The following HOMER1 variants were observed in gnomAD, a reference collection of about 807,000 sequenced individuals.
HOMER1 encodes homer protein homolog 1.
In HOMER1, 3 loss-of-function variants were observed where a neutral mutation model predicts 48.9. The ratio of observed to expected loss-of-function variants is 0.06; its 90% CI spans 0.03 to 0.16. HOMER1 has a LOEUF of 0.16. HOMER1 is among the 10% of genes least tolerant of loss of function. The pLI, the probability that HOMER1 is intolerant of heterozygous loss-of-function variation, is 1.00. For synonymous variants in HOMER1, 134 were observed against 146.4 expected (o/e 0.92, Z 0.61); for missense variants, 247 against 411.4 (o/e 0.60, Z 3.46).
At chr5:79,431,198 C>T (rs1287881351) in intron 5 of HOMER1, among the ~76,000 whole-genome samples, 1 of 152,070 alleles carries the variant, frequency 6.6e-6, no homozygotes, top group African/African-American at 2.4e-5. Flanking sequence ...TGGTGTGCTC[C>T]TGTAATCCCA....
At chr5:79,386,951 CT>C in intron 8 of HOMER1, among the ~76,000 whole-genome samples, 1 of 108,798 alleles carries the variant, frequency 9.2e-6, no homozygotes, top group Non-Finnish European at 1.9e-5. Flanking sequence ...CCTTCCTTTC[CT>C]TTCTTCCTTC....
At chr5:79,377,560 G>A (rs1748807848) in intron 8 of HOMER1, among the ~76,000 whole-genome samples, 2 of 143,250 alleles carry the variant, frequency 1.4e-5, no homozygotes, top group South Asian at 4.3e-4. Flanking sequence ...ATATCTTGAT[G>A]TTAGTTACAC....
At chr5:79,465,213 T>A (rs138352547) in intron 1 of HOMER1, among the ~76,000 whole-genome samples, 2 of 152,206 alleles carry the variant, frequency 1.3e-5, no homozygotes, top group South Asian at 2.1e-4. Context: ...CACATGCCTA[T>A]AGTCTCAGCT....
chr5:79,505,301 C>T (rs1307856424), intron 1 of HOMER1, among the ~76,000 whole-genome samples: 1 of 152,102 alleles, frequency 6.6e-6, no homozygotes, highest in Admixed American at 6.6e-5. Flanking sequence ...TAGGAACAAA[C>T]CATTCTATGG....
At chr5:79,384,108 CAAA>C (rs61146751) in intron 8 of HOMER1, among the ~76,000 whole-genome samples, 2 of 86,452 alleles carry the variant, frequency 2.3e-5, no homozygotes, top group Non-Finnish European at 2.6e-5. Context: ...ACTAGAAAAG[CAAA>C]AAAAAAAAAA....
At chr5:79,411,788 A>C (rs1749820323) in intron 5 of HOMER1, among the ~76,000 whole-genome samples, 1 of 152,128 alleles carries the variant, frequency 6.6e-6, no homozygotes, top group South Asian at 2.1e-4. Flanking sequence ...TGTAGAACTG[A>C]GAAAAATATT....
In HOMER1 at chr5:79,375,904, A is replaced by ATTTTT. The variant is rs34470593; in HGVS notation, c.*100_*104dup. The ATTTTT allele has an allele frequency of 2.0e-5, 7 of 352,868 alleles. No homozygotes were observed. The highest frequency in any genetic ancestry group is 4.3e-5 in the East Asian group (1 of 23,314). The allele number at this position is 352,868 out of a possible 1,614,324, so 21.9% of individuals were successfully genotyped here. ...CCTCCTCCTGGAGGAGTGATATTCA[A>ATTTTT]TTTTTTTTTTTTTTTTTTTGTGCAA... is the stretch of plus-strand genomic sequence containing the variant. On this transcript the variant is annotated 3_prime_UTR_variant, in exon 9 of 9. Coordinates refer to ENST00000334082, the MANE Select transcript of HOMER1 (RefSeq NM_004272.5).
intron 1 of HOMER1, among the ~76,000 whole-genome samples, chr5:79,505,818 C>T (rs1752750391): frequency 6.6e-6 from 1 of 151,888 alleles, no homozygotes; most frequent in Admixed American, 6.6e-5. Context: ...TGACTTTTTG[C>T]CTTCCTTTAG....
intron 8 of HOMER1, among the ~76,000 whole-genome samples, 187 bp downstream of exon 8, chr5:79,396,636 A>T (rs1214979416): frequency 1.3e-5 from 2 of 152,168 alleles, no homozygotes; most frequent in African/African-American, 4.8e-5. Context: ...TATGATAATT[A>T]TAAGCTACAT....
intron 1 of HOMER1, among the ~76,000 whole-genome samples, chr5:79,469,648 A>T (rs1223640505): frequency 6.6e-6 from 1 of 151,300 alleles, no homozygotes; most frequent in Non-Finnish European, 1.5e-5. Flanking sequence ...AAGTATAATT[A>T]AATGTGACTT....
At position 79,375,019 on chromosome 5, in the gene HOMER1, C is replaced by T. The variant is rs1748731238; in HGVS notation, c.*990G>A. On this transcript the variant is annotated 3_prime_UTR_variant, in exon 9 of 9. Transcript: ENST00000334082. ...ATGGACCCCCTTTAAAATAGCTATA[C>T]ACCTTAAAATTATCTATAATAAACA... 6.6e-6 allele frequency: 1 copy of T among 152,022 alleles called. No homozygotes were observed. The highest frequency in any genetic ancestry group is 2.1e-4 in the South Asian group (1 of 4,830). The allele number at this position is 152,022 out of a possible 1,614,324, so 9.4% of individuals were successfully genotyped here.
At chr5:79,440,309 CTT>C (rs1194094786) in intron 4 of HOMER1, among the ~76,000 whole-genome samples, 2 of 152,088 alleles carry the variant, frequency 1.3e-5, no homozygotes, top group Non-Finnish European at 2.9e-5. Flanking sequence ...CGTGGTGAGA[CTT>C]TTGTTTTTGA....
rs557164747 is a variant in HOMER1 at position 79,493,570 on chromosome 5, A to C, written c.5+19200T>G. On this transcript the variant is annotated intron_variant, in intron 1 of 8. Coordinates refer to ENST00000334082, the MANE Select transcript of HOMER1 (RefSeq NM_004272.5). ...ATGGAGGAAACAGAGTCCATCAGCT[A>C]AGGAATTCCCTCAGTCTCCTTCTTT... is the stretch of plus-strand genomic sequence containing the variant. 2.0e-5 allele frequency among the ~76,000 whole-genome samples: 3 copies of C among 152,306 alleles called. No homozygotes were observed. The East Asian group carries it at 5.8e-4, about 29-fold the overall frequency.
chr5:79,510,509 G>A, intron 1 of HOMER1: 1 of 721,580 alleles, frequency 1.4e-6, no homozygotes, highest in Non-Finnish European at 2.6e-6. Context: ...GAAACCCGAA[G>A]CACAAAGATA....
intron 1 of HOMER1, among the ~76,000 whole-genome samples, chr5:79,484,995 G>A (rs1401116177): frequency 1.3e-5 from 2 of 152,060 alleles, no homozygotes; most frequent in African/African-American, 2.4e-5. Context: ...CCTCACTTCC[G>A]AAAGTCTATT....
chr5:79,408,748 G>T (rs1228707068), intron 5 of HOMER1, among the ~76,000 whole-genome samples: 1 of 152,108 alleles, frequency 6.6e-6, no homozygotes, highest in East Asian at 1.9e-4. Context: ...CTGATCACAG[G>T]AACTTCATAA....
At chr5:79,510,644 G>A in intron 1 of HOMER1, 1 of 916,778 alleles carries the variant, frequency 1.1e-6, no homozygotes, top group Admixed American at 1.7e-5. Flanking sequence ...ACATGCCAAG[G>A]CTATCAAGGC....
intron 8 of HOMER1, among the ~76,000 whole-genome samples, chr5:79,386,183 T>A (rs532842010): frequency 6.6e-6 from 1 of 152,352 alleles, no homozygotes; most frequent in South Asian, 2.1e-4. Context: ...ATCACAGCAC[T>A]ATTCACAATA....
intron 8 of HOMER1, among the ~76,000 whole-genome samples, chr5:79,387,549 C>T (rs191709065): frequency 1.8e-4 from 27 of 152,182 alleles, no homozygotes; most frequent in Non-Finnish European, 3.5e-4. Flanking sequence ...CTGTTACCTT[C>T]TATATAATAG....
Sources: allele counts gnomAD v4.1 joint callset (sites outside exome capture counted in the v4.1 genomes callset), GRCh38; gene constraint gnomAD v4.1.1; transcripts MANE v1.5; gene names NCBI Gene and HGNC (gene_info 2026-07-23, HGNC 2026-07-21).